The following KIF1B variants were observed in gnomAD, a reference collection of about 807,000 sequenced individuals.
KIF1B encodes kinesin-like protein KIF1B.
KIF1B carries 76 observed loss-of-function variants against 241.9 expected under a neutral mutation model. The ratio of observed to expected loss-of-function variants is 0.31; its 90% CI spans 0.26 to 0.38. The LOEUF is 0.38. Ranked by LOEUF, KIF1B falls within the 10% of genes least tolerant of loss-of-function variation. The probability of loss-of-function intolerance (pLI) is 1.00; values close to 1 mark genes in which losing one functional copy is unlikely to be tolerated. For missense variants in KIF1B, 1,622 were observed against 2,271.4 expected, an observed-to-expected ratio of 0.71 and a Z score of 5.81; for synonymous variants, 750 against 796.7, an observed-to-expected ratio of 0.94 and a Z score of 0.99.
chr1:10,300,237 A>AGATAATAATAATAATAAT (rs1650470270), intron 22 of KIF1B, among the ~76,000 whole-genome samples: 3 of 143,914 alleles, frequency 2.1e-5, no homozygotes, highest in Non-Finnish European at 4.5e-5. Context: ...ACTCAGTGTC[A>AGATAATAATAATAATAAT]AATAATAATA....
rs745760971 is a variant in KIF1B at position 10,348,670 on chromosome 1, G to C, written c.3886G>C (p.Val1296Leu). 8 of 1,614,056 alleles carry C rather than the reference G, an allele frequency of 5.0e-6. No individual in the cohort carries two copies. In the South Asian group the frequency reaches 8.8e-5, roughly 18 times the overall value. ...LHQGIQRRITVTIIHEKGSEL... is the reference protein window; with the variant it reads ...LHQGIQRRITLTIIHEKGSEL... ...CTAGGGCATCCAGCGAAGGATCACAGTGACCATTATCCATGAGAAGGGGAG... is the reference window on the plus strand; with the variant it reads ...CTAGGGCATCCAGCGAAGGATCACACTGACCATTATCCATGAGAAGGGGAG... The change falls in exon 37 of 49, where the codon GTG becomes CTG. Residue 1296 changes from valine (V) to leucine (L), a missense_variant. Physicochemically the swap from Val to Leu is conservative, Grantham distance 32. Around this residue, in one of 7 missense-constraint regions of KIF1B, gnomAD observed 803 missense variants for 1,112.0 expected, o/e 0.72. Transcript: ENST00000676179.
intron 34 of KIF1B, among the ~76,000 whole-genome samples, chr1:10,343,687 G>A (rs1057354565): frequency 4.6e-5 from 7 of 152,206 alleles, no homozygotes; most frequent in African/African-American, 1.7e-4. Flanking sequence ...GAACCGGGGA[G>A]GTGGAGGTTG....
chr1:10,218,132 A>G (rs1361668848), intron 1 of KIF1B, among the ~76,000 whole-genome samples: 10 of 152,084 alleles, frequency 6.6e-5, no homozygotes, highest in Admixed American at 6.6e-4. Flanking sequence ...TGACAGTGTC[A>G]TGGATACTGG....
chr1:10,216,735 C>T (rs1646771664), intron 1 of KIF1B, among the ~76,000 whole-genome samples: 1 of 152,080 alleles, frequency 6.6e-6, no homozygotes, highest in South Asian at 2.1e-4. Context: ...CCATGCTTGG[C>T]AGAATACCTT....
chr1:10,299,506 G>A (rs1026503266), intron 22 of KIF1B, among the ~76,000 whole-genome samples: 1 of 152,102 alleles, frequency 6.6e-6, no homozygotes, highest in African/African-American at 2.4e-5. Flanking sequence ...ATATTACCCT[G>A]TATTGGTCAA....
chr1:10,295,052 C>T, intron 17 of KIF1B, 34 bp from the exon 18 acceptor site: 1 of 1,417,052 alleles, frequency 7.1e-7, no homozygotes. Context: ...TCATGGTGCC[C>T]TGCTCCAAAT....
intron 1 of KIF1B, among the ~76,000 whole-genome samples, chr1:10,229,244 GCAAA>G (rs1646947289): frequency 6.6e-6 from 1 of 151,966 alleles, no homozygotes; most frequent in Admixed American, 6.6e-5. Flanking sequence ...AAATAAAATG[GCAAA>G]CAGACTAGAA....
chr1:10,372,812 T>A (rs1327828236), intron 45 of KIF1B, among the ~76,000 whole-genome samples: 1 of 149,404 alleles, frequency 6.7e-6, no homozygotes, highest in Non-Finnish European at 1.5e-5. Context: ...TATTTTATTT[T>A]ATTTATTTAT....
At chr1:10,332,053 A>C (rs1226558792) in intron 27 of KIF1B, among the ~76,000 whole-genome samples, 1 of 149,942 alleles carries the variant, frequency 6.7e-6, no homozygotes, top group Non-Finnish European at 1.5e-5. Context: ...CTTCTCCCTT[A>C]ACATTTATCT....
At chr1:10,264,820 C>A (rs1648358345) in intron 5 of KIF1B, among the ~76,000 whole-genome samples, 1 of 152,060 alleles carries the variant, frequency 6.6e-6, no homozygotes, top group African/African-American at 2.4e-5. Context: ...TGCTACCACA[C>A]CTGGCTAATT....
At chr1:10,360,828 G>T (rs1007269645) in intron 38 of KIF1B, 101 bp from the exon 39 acceptor site, 13 of 802,404 alleles carry the variant, frequency 1.6e-5, no homozygotes, top group Non-Finnish European at 2.7e-5. Context: ...AGTGTCTGTT[G>T]GTTGGCGTAT....
chr1:10,223,993 A>G (rs1571094194), intron 1 of KIF1B, among the ~76,000 whole-genome samples: 1 of 152,184 alleles, frequency 6.6e-6, no homozygotes, highest in African/African-American at 2.4e-5. Context: ...TTGCAGAAAT[A>G]GGGTTTCACA....
At chr1:10,305,352 G>A in intron 22 of KIF1B, 3 of 1,050,222 alleles carry the variant, frequency 2.9e-6, no homozygotes, top group South Asian at 4.6e-5. Context: ...CTATAAATTG[G>A]CACTGTGTCT....
Position 10,295,682 on chromosome 1 carries a change from C to A in KIF1B, c.1693C>A (p.Arg565=), listed in dbSNP as rs758740011. The change falls in exon 19 of 49, where the codon CGG becomes AGG. Residue 565 remains arginine, a synonymous_variant. Transcript: ENST00000676179. ...CAGGGTTGGCCAAGCAGATGCTGAGCGGCGCCAGGACATAGTGCTGAGCGG... is the reference window on the plus strand; with the variant it reads ...CAGGGTTGGCCAAGCAGATGCTGAGAGGCGCCAGGACATAGTGCTGAGCGG... The part of the protein sequence containing the change: ...ITRVGQADAE[R]RQDIVLSGAH... 2 of 1,613,560 alleles carry A rather than the reference C, an allele frequency of 1.2e-6. No individual in the cohort carries two copies. Among genetic ancestry groups the A allele is most frequent in the East Asian group, 2.2e-5 (1 of 44,876 alleles).
chr1:10,227,338 GC>G (rs1396094291), intron 1 of KIF1B, among the ~76,000 whole-genome samples: 15 of 152,122 alleles, frequency 9.9e-5, no homozygotes, highest in African/African-American at 3.6e-4. Flanking sequence ...TGGCCCACAA[GC>G]CCAGGGTTAT....
At chr1:10,240,289 A>C (rs1647117878) in intron 2 of KIF1B, among the ~76,000 whole-genome samples, 1 of 150,598 alleles carries the variant, frequency 6.6e-6, no homozygotes, top group Admixed American at 6.6e-5. Flanking sequence ...GCTCACTGCA[A>C]CCTCTGCCTC....
At chr1:10,304,345 C>T in intron 22 of KIF1B, 13 of 1,614,224 alleles carry the variant, frequency 8.1e-6, no homozygotes, top group Non-Finnish European at 1.1e-5. Context: ...AAGCAATTCT[C>T]TCAATAATGG....
chr1:10,268,034 G>C, intron 6 of KIF1B, 118 bp from the exon 7 acceptor site: 1 of 751,922 alleles, frequency 1.3e-6, no homozygotes, highest in Non-Finnish European at 2.4e-6. Context: ...CTTGCAATCT[G>C]TGAATAAGTT....
chr1:10,311,794 A>G (rs1024337618), intron 22 of KIF1B, among the ~76,000 whole-genome samples: 6 of 151,084 alleles, frequency 4.0e-5, no homozygotes, highest in African/African-American at 1.2e-4. Context: ...GGCTATTTCT[A>G]TATGTTTCTC....
Sources: gnomAD v4.1 joint callset for allele counts (sites outside exome capture counted in the v4.1 genomes callset) on GRCh38, gnomAD v4.1.1 for gene constraint, gnomAD v4.1.1 regional missense constraint, MANE v1.5 for transcripts, NCBI Gene and HGNC (gene_info 2026-07-23, HGNC 2026-07-21) for gene names.